Variants in SVIL observed in about 807,000 individuals in gnomAD.
SVIL encodes the protein supervillin.
A neutral mutation model predicts 240.4 loss-of-function variants in SVIL; 101 were observed. The observed-to-expected ratio is 0.42, with a 90% CI of 0.36 to 0.50. SVIL has a LOEUF of 0.50. Ranked by LOEUF, SVIL falls within the 20% of genes least tolerant of loss-of-function variation. The pLI is 0.01. For synonymous variants in SVIL, 999 were observed against 1,100.0 expected (o/e 0.91, Z 1.82); for missense variants, 2,512 against 2,818.7 (o/e 0.89, Z 2.46).
intron 1 of SVIL, among the ~76,000 whole-genome samples, chr10:29,721,762 A>G (rs1265469547): frequency 3.3e-5 from 5 of 152,244 alleles, no homozygotes; most frequent in Non-Finnish European, 7.3e-5. Flanking sequence ...TTACAAAGCC[A>G]CATATTTCAA....
rs562691725 is a variant in SVIL, at chr10:29,656,741, T to C, written c.-201+1228A>G. On this transcript the variant is annotated intron_variant, in intron 3 of 35. Transcript: ENST00000375400. ...AGCCAGTTTTGGTCAGTCAGAGAGATGGATTTGAGACTGAGCTCCCATCTC... is the reference window on the plus strand; with the variant it reads ...AGCCAGTTTTGGTCAGTCAGAGAGACGGATTTGAGACTGAGCTCCCATCTC... Among the ~76,000 whole-genome samples the C allele has an allele frequency of 1.1e-4, 16 of 152,306 alleles. No individual in the cohort carries two copies. In the South Asian group the frequency reaches 2.7e-3, roughly 26 times the overall value.
At position 29,484,578 on chromosome 10, in the gene SVIL, G is replaced by C; in HGVS notation, c.4955+78C>G. The C allele has an allele frequency of 7.4e-7, 1 of 1,344,484 alleles. No homozygotes were observed. Among genetic ancestry groups the C allele is most frequent in the South Asian group, 1.5e-5 (1 of 66,882 alleles). 83.3% of individuals were successfully genotyped at this position (1,344,484 alleles called of 1,614,324 possible). ...CTGAACCCTATAAAGAGCGAGAGTAGAGGACTGTGGTGAGAACAGAGGGAT... is the reference window on the plus strand; with the variant it reads ...CTGAACCCTATAAAGAGCGAGAGTACAGGACTGTGGTGAGAACAGAGGGAT... On this transcript the variant is annotated intron_variant, in intron 27 of 37. Coordinates refer to ENST00000355867, the MANE Select transcript of SVIL (RefSeq NM_021738.3). The surrounding 1 kb of genome is among the most constrained non-coding windows in gnomAD (Gnocchi z 4.7).
chr10:29,590,724 C>T (rs555694982), intron 1 of SVIL, among the ~76,000 whole-genome samples: 38 of 152,286 alleles, frequency 2.5e-4, no homozygotes, highest in African/African-American at 9.1e-4. Flanking sequence ...TTGAAATATG[C>T]TGAAATACCT....
intron 1 of SVIL, among the ~76,000 whole-genome samples, chr10:29,588,146 G>A (rs559582873): frequency 5.3e-5 from 8 of 151,654 alleles, no homozygotes; most frequent in Non-Finnish European, 7.4e-5. Context: ...ATGTCCCAAC[G>A]GAGTTTTGAA....
intron 2 of SVIL, among the ~76,000 whole-genome samples, chr10:29,661,991 A>C (rs1959168310): frequency 6.6e-6 from 1 of 151,982 alleles, no homozygotes; most frequent in African/African-American, 2.4e-5. Context: ...CATACTACCA[A>C]ACTACTAGAG....
intron 6 of SVIL, among the ~76,000 whole-genome samples, chr10:29,540,918 C>T (rs1952101976): frequency 6.6e-6 from 1 of 152,150 alleles, no homozygotes; most frequent in South Asian, 2.1e-4. Flanking sequence ...AGCAGCGCAG[C>T]CTGATCATAA....
At chr10:29,493,112 G>A (rs1307652956) in intron 21 of SVIL, 102 bp downstream of exon 21, 20 of 1,338,758 alleles carry the variant, frequency 1.5e-5, no homozygotes, top group East Asian at 2.5e-5. Flanking sequence ...GGAGTTAGAA[G>A]GAGAAGGAGG....
At chr10:29,641,663 G>C (rs1411920594) in intron 3 of SVIL, among the ~76,000 whole-genome samples, 1 of 152,172 alleles carries the variant, frequency 6.6e-6, no homozygotes, top group Non-Finnish European at 1.5e-5. Context: ...CTTGCATTTA[G>C]ATACTCATCA....
chr10:29,691,109 T>C (rs961172360), intron 1 of SVIL, among the ~76,000 whole-genome samples: 7 of 152,144 alleles, frequency 4.6e-5, no homozygotes, highest in African/African-American at 1.7e-4. Flanking sequence ...TGCAATGTTC[T>C]ATAGTAGAAA....
chr10:29,581,485 A>C (rs1955943368), intron 1 of SVIL, among the ~76,000 whole-genome samples: 1 of 152,256 alleles, frequency 6.6e-6, no homozygotes, highest in African/African-American at 2.4e-5. Context: ...CAGACCACAT[A>C]GGTGGAGATG....
chr10:29,730,904 A>G (rs182896402), intron 1 of SVIL, among the ~76,000 whole-genome samples: 1 of 152,236 alleles, frequency 6.6e-6, no homozygotes, highest in African/African-American at 2.4e-5. Flanking sequence ...CACAATTCAC[A>G]ATAATTAGGA....
At chr10:29,479,824 C>G (rs1447667618) in intron 29 of SVIL, among the ~76,000 whole-genome samples, 1 of 152,216 alleles carries the variant, frequency 6.6e-6, no homozygotes, top group African/African-American at 2.4e-5. Flanking sequence ...AATCACAAAC[C>G]TGTGACCTGC....
intron 2 of SVIL, among the ~76,000 whole-genome samples, chr10:29,671,325 T>A (rs964252323): frequency 6.6e-6 from 1 of 152,218 alleles, no homozygotes; most frequent in African/African-American, 2.4e-5. Context: ...ATGTTTCCTT[T>A]CAATAACATT....
At chr10:29,684,298 T>C (rs2132595222) in intron 2 of SVIL, among the ~76,000 whole-genome samples, 1 of 152,304 alleles carries the variant, frequency 6.6e-6, no homozygotes, top group Non-Finnish European at 1.5e-5. Context: ...GATCATGACC[T>C]GTGACACAGA....
At chr10:29,531,434 A>G in intron 9 of SVIL, 146 bp from the exon 10 acceptor site, 1 of 790,958 alleles carries the variant, frequency 1.3e-6, no homozygotes, top group East Asian at 2.7e-5. Context: ...AGTTGTGAAA[A>G]CACACATACA....
At chr10:29,566,757 G>T (rs1954999966) in intron 2 of SVIL, among the ~76,000 whole-genome samples, 1 of 152,122 alleles carries the variant, frequency 6.6e-6, no homozygotes, top group Non-Finnish European at 1.5e-5. Context: ...CCCAGCGGGA[G>T]ACTGGTAGGG....
At chr10:29,558,892 C>T (rs905070678) in intron 3 of SVIL, among the ~76,000 whole-genome samples, 1 of 150,170 alleles carries the variant, frequency 6.7e-6, no homozygotes, top group Non-Finnish European at 1.5e-5. Context: ...TGTGCCACTA[C>T]ACTCCAGCCT....
chr10:29,583,158 G>A (rs776958751), intron 1 of SVIL, among the ~76,000 whole-genome samples: 10 of 152,182 alleles, frequency 6.6e-5, no homozygotes, highest in Non-Finnish European at 1.0e-4. Flanking sequence ...TTCAAATAAA[G>A]TAATTTCTGG....
rs1382885671 is a variant in SVIL at position 29,523,797 on chromosome 10, C to T, written c.2817G>A (p.Glu939=). The T allele has an allele frequency of 1.2e-6, 2 of 1,614,114 alleles. No individual in the cohort carries two copies. Among genetic ancestry groups the T allele is most frequent in the East Asian group, 4.5e-5 (2 of 44,896 alleles). ...QAWQPLVEGS[E]NKGMLREYGE... The stretch of plus-strand genomic sequence containing the variant: ...CATATTCTCTCAACATTCCCTTGTT[C>T]TCGCTACCCTCTACCAAAGGCTGCC... The change falls in exon 15 of 38, where the codon GAG becomes GAA. Residue 939 remains glutamate, a synonymous_variant. Coordinates refer to ENST00000355867, the MANE Select transcript of SVIL (RefSeq NM_021738.3).
Sources: gnomAD v4.1 joint callset for allele counts (sites outside exome capture counted in the v4.1 genomes callset) on GRCh38, gnomAD v4.1.1 for gene constraint, Gnocchi (gnomAD v3.1) non-coding constraint, MANE v1.5 for transcripts, NCBI Gene and HGNC (gene_info 2026-07-23, HGNC 2026-07-21) for gene names.